The following STIM1 variants were observed in gnomAD, a reference collection of about 807,000 sequenced individuals.
The protein encoded by STIM1 is stromal interaction molecule 1.
STIM1 carries 25 observed loss-of-function variants against 74.7 expected under a neutral mutation model. The ratio of observed to expected loss-of-function variants is 0.33; its 90% CI spans 0.24 to 0.47. The LOEUF (loss-of-function observed/expected upper bound fraction) is 0.47, where lower values mean the gene tolerates loss of function less well. STIM1 is among the 20% of genes least tolerant of loss of function. The pLI is 1.00. For missense variants in STIM1, 728 were observed against 920.8 expected (o/e 0.79, Z 2.71); for synonymous variants, 328 against 348.8 (o/e 0.94, Z 0.66).
chr11:4,052,397 C>G (rs989687916), intron 3 of STIM1, among the ~76,000 whole-genome samples: 2 of 152,122 alleles, frequency 1.3e-5, no homozygotes, highest in Non-Finnish European at 2.9e-5. Context: ...GAGATCTAGA[C>G]CAATGGAGCA....
At chr11:3,868,134 G>C (rs1430539958) in intron 1 of STIM1, 1 of 152,190 alleles carries the variant, frequency 6.6e-6, no homozygotes, top group African/African-American at 2.4e-5. Flanking sequence ...GTCTGTGTGT[G>C]TATTTGTTGC....
chr11:3,866,122 T>G (rs1246130274), intron 1 of STIM1, among the ~76,000 whole-genome samples: 1 of 152,170 alleles, frequency 6.6e-6, no homozygotes, highest in Non-Finnish European at 1.5e-5. Flanking sequence ...TCACTTCATC[T>G]CCCTCTGTTC....
Position 4,092,420 on chromosome 11 carries a change from C to T in STIM1, c.*622C>T, listed in dbSNP as rs946674922. On this transcript the variant is annotated 3_prime_UTR_variant, in exon 13 of 13. Coordinates refer to ENST00000526596, the MANE Select transcript of STIM1 (RefSeq NM_001382567.1). ...TGAAACCAATTCTCAGAGAACAACC[C>T]ACCAGAGACTTTTAAAGAGAGGCCA... 2 of 163,120 alleles carry T rather than the reference C, an allele frequency of 1.2e-5. 1 individual carries two copies. The highest frequency in any genetic ancestry group is 3.2e-4 in the South Asian group (2 of 6,316). 10.1% of individuals were successfully genotyped at this position (163,120 alleles called of 1,614,324 possible). A position where few individuals can be genotyped will look rare whatever the true frequency, so the allele number is the denominator to read the frequency against.
At chr11:4,053,680 T>G (rs999911481) in intron 3 of STIM1, among the ~76,000 whole-genome samples, 2 of 151,464 alleles carry the variant, frequency 1.3e-5, no homozygotes, top group Non-Finnish European at 2.9e-5. Flanking sequence ...TGTATAGATA[T>G]GTAAAAAACC....
At chr11:3,893,108 A>G (rs914495447) in intron 1 of STIM1, among the ~76,000 whole-genome samples, 3 of 152,168 alleles carry the variant, frequency 2.0e-5, no homozygotes, top group Admixed American at 2.0e-4. Flanking sequence ...TTCATAAGGG[A>G]ATAAAAATGT....
chr11:3,917,565 G>C (rs545497028), intron 1 of STIM1, among the ~76,000 whole-genome samples: 1 of 151,852 alleles, frequency 6.6e-6, no homozygotes, highest in African/African-American at 2.4e-5. Context: ...TTCTCAAGTA[G>C]CTGGGACTAC....
intron 7 of STIM1, 101 bp from the exon 8 acceptor site, chr11:4,082,083 A>T: frequency 1.6e-6 from 2 of 1,218,536 alleles, no homozygotes; most frequent in Non-Finnish European, 2.4e-6. Flanking sequence ...TTCCTGGGAG[A>T]GTTGTAAAGC....
intron 3 of STIM1, among the ~76,000 whole-genome samples, chr11:4,025,407 C>T (rs2093990733): frequency 2.0e-5 from 3 of 152,178 alleles, no homozygotes. Flanking sequence ...TCTTTGGAAG[C>T]TGAGTTCCTT....
intron 2 of STIM1, among the ~76,000 whole-genome samples, chr11:3,971,052 G>T (rs1246706438): frequency 1.3e-5 from 2 of 152,166 alleles, no homozygotes; most frequent in Non-Finnish European, 2.9e-5. Flanking sequence ...GGTGTGCACA[G>T]TGAGATTGAA....
chr11:3,963,907 G>A (rs2093314711), intron 1 of STIM1, among the ~76,000 whole-genome samples: 1 of 152,198 alleles, frequency 6.6e-6, no homozygotes, highest in South Asian at 2.1e-4. Context: ...AGTCAGACAG[G>A]GAAAGTGGCC....
chr11:4,066,868 A>G (rs2094369727), intron 5 of STIM1, among the ~76,000 whole-genome samples: 1 of 152,184 alleles, frequency 6.6e-6, no homozygotes, highest in Non-Finnish European at 1.5e-5. Flanking sequence ...AATGGGAAGA[A>G]GCAGATTATT....
intron 2 of STIM1, among the ~76,000 whole-genome samples, chr11:4,004,838 C>T (rs1007384169): frequency 1.3e-5 from 2 of 152,208 alleles, no homozygotes; most frequent in African/African-American, 4.8e-5. Context: ...ACCTACTCAT[C>T]TGACAAAGGG....
intron 5 of STIM1, among the ~76,000 whole-genome samples, chr11:4,064,102 G>A (rs2094349959): frequency 6.6e-6 from 1 of 152,178 alleles, no homozygotes. Flanking sequence ...TTCTGATAGA[G>A]CTGGGTATAC....
chr11:4,042,197 A>G (rs935071034), intron 3 of STIM1, among the ~76,000 whole-genome samples: 1 of 152,222 alleles, frequency 6.6e-6, no homozygotes, highest in African/African-American at 2.4e-5. Context: ...GTATTGCTAT[A>G]GCTCAAGTGC....
chr11:3,967,678 A>C lies in STIM1; in HGVS notation c.266A>C (p.Asp89Ala), dbSNP rs773255654. Residue 89 changes from aspartate to alanine, a missense_variant, in exon 2 of 13, where the codon GAT (aspartate) becomes GCT (alanine). By Grantham distance (126) the Asp-to-Ala change is moderately radical. This residue lies in a region of STIM1 where 51 missense variants were observed against 101.1 expected (regional missense o/e 0.50). Transcript: ENST00000526596. ...GGTGATGTGGATGTGGAAGAAAGTG[A>C]TGAGGTGAGCTCTCCCATCCTGCTA... ...ANGDVDVEES[D>A]EFLREDLNYH... 15 of 1,614,204 alleles carry C rather than the reference A, an allele frequency of 9.3e-6. No homozygotes were observed. The highest frequency in any genetic ancestry group is 1.2e-5 in the Non-Finnish European group (14 of 1,180,022).
intron 1 of STIM1, among the ~76,000 whole-genome samples, chr11:3,873,418 C>CAA (rs1159126517): frequency 1.4e-3 from 78 of 57,102 alleles, no homozygotes; most frequent in African/African-American, 3.9e-3. Context: ...AGCTCCATTT[C>CAA]AAAAAAAAAA....
At chr11:3,948,736 A>G (rs2093109476) in intron 1 of STIM1, among the ~76,000 whole-genome samples, 1 of 152,034 alleles carries the variant, frequency 6.6e-6, no homozygotes, top group Non-Finnish European at 1.5e-5. Flanking sequence ...ACCTGTACTC[A>G]CCTCCTGCTC....
intron 1 of STIM1, among the ~76,000 whole-genome samples, chr11:3,946,658 C>T (rs1356831802): frequency 6.6e-6 from 1 of 152,090 alleles, no homozygotes; most frequent in Non-Finnish European, 1.5e-5. Context: ...TTAGGCTGGC[C>T]CTGTTTGGTT....
At chr11:3,989,500 G>T (rs1337353759) in intron 2 of STIM1, 15 of 598,772 alleles carry the variant, frequency 2.5e-5, no homozygotes, top group Non-Finnish European at 4.7e-5. Context: ...ATGTCTGTGA[G>T]CCGCGGCGCA....
Sources: gnomAD v4.1 joint callset for allele counts (sites outside exome capture counted in the v4.1 genomes callset) on GRCh38, gnomAD v4.1.1 for gene constraint, gnomAD v4.1.1 regional missense constraint, MANE v1.5 for transcripts, NCBI Gene and HGNC (gene_info 2026-07-23, HGNC 2026-07-21) for gene names.